The following CUBN variants were observed in gnomAD, a reference collection of about 807,000 sequenced individuals.
The protein encoded by CUBN is cubilin.
In CUBN, 282 loss-of-function variants were observed where a neutral mutation model predicts 405.3. The ratio of observed to expected loss-of-function variants is 0.70; its 90% CI spans 0.63 to 0.77. CUBN has a LOEUF of 0.77. CUBN is among the 30% of genes least tolerant of loss of function. The pLI, the probability that CUBN is intolerant of heterozygous loss-of-function variation, is 0.00. For synonymous variants in CUBN, 1,684 were observed against 1,617.0 expected (o/e 1.04, Z -0.99); for missense variants, 4,514 against 4,475.2 (o/e 1.01, Z -0.25).
At chr10:16,846,039 TTTATAA>T (rs1418873655) in intron 60 of CUBN, among the ~76,000 whole-genome samples, 1 of 152,250 alleles carries the variant, frequency 6.6e-6, no homozygotes, top group Non-Finnish European at 1.5e-5. Flanking sequence ...AAAAAACTTG[TTTATAA>T]TTATTTGATC....
At chr10:16,840,690 T>A (rs546210536) in intron 61 of CUBN, among the ~76,000 whole-genome samples, 155 bp from the exon 62 acceptor site, 1 of 152,324 alleles carries the variant, frequency 6.6e-6, no homozygotes, top group African/African-American at 2.4e-5. Flanking sequence ...GACTAAAGAT[T>A]GTATCAAATT....
At chr10:16,990,852 T>C (rs994437992) in intron 28 of CUBN, among the ~76,000 whole-genome samples, 1 of 152,184 alleles carries the variant, frequency 6.6e-6, no homozygotes, top group Non-Finnish European at 1.5e-5. Context: ...AAGAATTACA[T>C]AACATAGTCG....
rs1053137764 is a variant in CUBN, at chr10:16,933,226, G to A, written c.5985C>T (p.Gly1995=). ...GDAPVFLFSP[G]WPDSYSNRVD... is the part of the protein sequence containing the mutation. ...CTCTATTACTGTAACTGTCAGGCCA[G>A]CCCGGGGAGAAGAGAAACACGGGTG... The change falls in exon 40 of 67, where the codon GGC becomes GGT. Residue 1995 remains glycine, a synonymous_variant. Coordinates refer to ENST00000377833, the MANE Select transcript of CUBN (RefSeq NM_001081.4). The A allele has an allele frequency of 6.2e-7, 1 of 1,614,048 alleles. No individual in the cohort carries two copies. Among genetic ancestry groups the A allele is most frequent in the Non-Finnish European group, 8.5e-7 (1 of 1,179,978 alleles).
chr10:16,963,984 A>G (rs1843317290), intron 31 of CUBN, among the ~76,000 whole-genome samples: 1 of 152,242 alleles, frequency 6.6e-6, no homozygotes. Context: ...GATCAATGAT[A>G]GGAGCATGTG....
chr10:17,094,850 T>C (rs1294789582), intron 14 of CUBN, among the ~76,000 whole-genome samples: 4 of 152,046 alleles, frequency 2.6e-5, no homozygotes, highest in Non-Finnish European at 5.9e-5. Flanking sequence ...ATTCCAATGG[T>C]ATTTTTCACA....
intron 14 of CUBN, among the ~76,000 whole-genome samples, chr10:17,099,171 A>G (rs1836440670): frequency 6.6e-6 from 1 of 152,164 alleles, no homozygotes; most frequent in South Asian, 2.1e-4. Context: ...AAACACCAGT[A>G]AAAAAGATGA....
chr10:17,043,958 G>C lies in CUBN; in HGVS notation c.3698C>G (p.Ser1233Cys), dbSNP rs1022552396. 1.9e-6 allele frequency: 3 copies of C among 1,613,258 alleles called. No individual in the cohort carries two copies. The highest frequency in any genetic ancestry group is 2.7e-5 in the African/African-American group (2 of 74,800). Residue 1233 changes from serine to cysteine, a missense_variant, in exon 26 of 67, where the codon TCT (serine) becomes TGT (cysteine). Physicochemically the swap from Ser to Cys is moderately radical, Grantham distance 112. Transcript: ENST00000377833. Reference sequence around the variant, plus strand: ...CCCACAAAGCTGAGTTAGCAGATGAGAGTTGCTACTTGGGCCATCATATAC... The same window carrying C: ...CCCACAAAGCTGAGTTAGCAGATGACAGTTGCTACTTGGGCCATCATATAC... The part of the protein sequence containing the change: ...LAVYDGPSSN[S>C]HLLTQLCGDE...
intron 22 of CUBN, among the ~76,000 whole-genome samples, chr10:17,057,375 C>T (rs1445497388): frequency 6.6e-6 from 1 of 152,050 alleles, no homozygotes; most frequent in Non-Finnish European, 1.5e-5. Flanking sequence ...GGCACACTGT[C>T]ATGGCGCTGT....
chr10:16,992,687 A>G (rs7918831), intron 28 of CUBN, among the ~76,000 whole-genome samples: 5,937 of 152,282 alleles, frequency 0.039, 416 homozygotes, highest in African/African-American at 0.14. Flanking sequence ...AAGCACTACT[A>G]TCTTCTTGAC....
chr10:17,119,124 A>T (rs1836972853), intron 6 of CUBN, among the ~76,000 whole-genome samples: 1 of 152,232 alleles, frequency 6.6e-6, no homozygotes, highest in South Asian at 2.1e-4. Context: ...TTTAATACCT[A>T]ACTACCACCT....
In CUBN at chr10:16,850,563, C is replaced by T. The variant is rs183961110; in HGVS notation, c.9663+672G>A. Among the ~76,000 whole-genome samples the T allele has an allele frequency of 3.4e-4, 52 of 152,280 alleles. 1 individual carries two copies. In the East Asian group the frequency reaches 9.3e-3, roughly 27 times the overall value. On this transcript the variant is annotated intron_variant, in intron 60 of 66. Transcript: ENST00000377833. ...CTCAGCTCACTGCAACCTCCACCTCCCGGGTTCAAGCGATTCTCCTGCCTC... is the reference window on the plus strand; with the variant it reads ...CTCAGCTCACTGCAACCTCCACCTCTCGGGTTCAAGCGATTCTCCTGCCTC...
chr10:17,105,344 A>G, intron 11 of CUBN, 113 bp downstream of exon 11: 1 of 786,578 alleles, frequency 1.3e-6, no homozygotes, highest in Admixed American at 1.7e-5. Context: ...ACAGTTCCTT[A>G]TCTGAAACTT....
chr10:17,008,457 TGTGTGTGC>T (rs1014932556), intron 28 of CUBN, among the ~76,000 whole-genome samples: 2 of 147,874 alleles, frequency 1.4e-5, no homozygotes, highest in Admixed American at 6.7e-5. Context: ...TGTGTGTGTG[TGTGTGTGC>T]GCGCTTAGCC....
chr10:17,089,319 C>T (rs1836198567), intron 14 of CUBN, among the ~76,000 whole-genome samples: 1 of 151,996 alleles, frequency 6.6e-6, no homozygotes. Context: ...TTAAAAGTTA[C>T]CAGTTTTAAA....
intron 66 of CUBN, among the ~76,000 whole-genome samples, chr10:16,826,189 C>T (rs1838775841): frequency 6.6e-6 from 1 of 152,098 alleles, no homozygotes; most frequent in African/African-American, 2.4e-5. Context: ...TAAAATATCT[C>T]CAAATCAGGG....
intron 36 of CUBN, among the ~76,000 whole-genome samples, chr10:16,940,618 T>C (rs917011297): frequency 1.3e-5 from 2 of 152,122 alleles, no homozygotes; most frequent in African/African-American, 4.8e-5. Context: ...GGAAGACTTT[T>C]TGAGATGGAA....
intron 29 of CUBN, among the ~76,000 whole-genome samples, chr10:16,989,939 A>G (rs1833532963): frequency 6.6e-6 from 1 of 152,202 alleles, no homozygotes; most frequent in African/African-American, 2.4e-5. Context: ...AGCCATCCCA[A>G]GTGCAGTCCT....
At chr10:17,078,937 C>T (rs1213999452) in intron 17 of CUBN, among the ~76,000 whole-genome samples, 1 of 152,150 alleles carries the variant, frequency 6.6e-6, no homozygotes, top group Non-Finnish European at 1.5e-5. Context: ...AATGGGTTTG[C>T]AGCTTCTACA....
chr10:16,969,738 T>G (rs1247712512), intron 31 of CUBN, among the ~76,000 whole-genome samples: 1 of 152,114 alleles, frequency 6.6e-6, no homozygotes, highest in African/African-American at 2.4e-5. Flanking sequence ...TAATGGCTGT[T>G]ACATGTGGGC....
Sources: allele counts gnomAD v4.1 joint callset (sites outside exome capture counted in the v4.1 genomes callset), GRCh38; gene constraint gnomAD v4.1.1; transcripts MANE v1.5; gene names NCBI Gene and HGNC (gene_info 2026-07-23, HGNC 2026-07-21).